The following GALNT2 variants were observed in gnomAD, a reference collection of about 807,000 sequenced individuals.
The protein encoded by GALNT2 is UDP-GalNAc:polypeptide N-acetylgalactosaminyltransferase 2.
GALNT2 carries 31 observed loss-of-function variants against 81.4 expected under a neutral mutation model. The observed-to-expected ratio is 0.38, with a 90% CI of 0.29 to 0.51. The LOEUF (loss-of-function observed/expected upper bound fraction) is 0.51, where lower values mean the gene tolerates loss of function less well. Ranked by LOEUF, GALNT2 falls within the 20% of genes least tolerant of loss-of-function variation. The pLI is 0.87. For synonymous variants in GALNT2, 303 were observed against 287.4 expected (o/e 1.05, Z -0.55); for missense variants, 629 against 765.7 (o/e 0.82, Z 2.11).
At position 230,251,706 on chromosome 1, in the gene GALNT2, T is replaced by A. The variant is rs561495233; in HGVS notation, c.1009+1146T>A. Reference sequence around the variant, plus strand: ...TGTTCCATGGGTATCCCCTAATGGTTTAGTGGAAATCCAGCAGGCCAGGGT... The same window carrying A: ...TGTTCCATGGGTATCCCCTAATGGTATAGTGGAAATCCAGCAGGCCAGGGT... On this transcript the variant is annotated intron_variant, in intron 10 of 15. Transcript: ENST00000366672. 7.9e-5 allele frequency among the ~76,000 whole-genome samples: 12 copies of A among 152,328 alleles called. No homozygotes were observed. In the South Asian group the frequency reaches 2.5e-3, roughly 32 times the overall value.
In GALNT2 at chr1:230,279,479, C is replaced by G; in HGVS notation, c.*21C>G. The G allele has an allele frequency of 6.2e-7, 1 of 1,610,354 alleles. No individual in the cohort carries two copies. Among genetic ancestry groups the G allele is most frequent in the East Asian group, 2.2e-5 (1 of 44,776 alleles). On this transcript the variant is annotated 3_prime_UTR_variant, in exon 16 of 16. Transcript: ENST00000366672. The surrounding 1 kb of genome is among the most constrained non-coding windows in gnomAD (Gnocchi z 4.6). ...AGTAGGAGGGTCCGGGAGGCCCTGC[C>G]GTCCTGTCTCCTGCACCATTGGGTG...
intron 1 of GALNT2, among the ~76,000 whole-genome samples, chr1:230,080,148 C>T (rs980457053): frequency 4.6e-5 from 7 of 152,148 alleles, no homozygotes; most frequent in South Asian, 4.1e-4. Flanking sequence ...GAGTCATTTT[C>T]CTTGTACTGG....
intron 10 of GALNT2, among the ~76,000 whole-genome samples, chr1:230,251,760 T>C (rs1410117378): frequency 6.6e-6 from 1 of 152,070 alleles, no homozygotes; most frequent in Non-Finnish European, 1.5e-5. Flanking sequence ...ATCGTGTAGG[T>C]GGCCATTTCT....
At chr1:230,269,995 T>A (rs1474996525) in intron 14 of GALNT2, among the ~76,000 whole-genome samples, 2 of 151,794 alleles carry the variant, frequency 1.3e-5, no homozygotes, top group African/African-American at 2.4e-5. Context: ...AGGTCTGGAG[T>A]TCGAGACCAG....
intron 6 of GALNT2, among the ~76,000 whole-genome samples, chr1:230,241,147 C>A (rs891830215): frequency 2.6e-5 from 4 of 152,190 alleles, no homozygotes; most frequent in African/African-American, 9.7e-5. Context: ...TTTATAATAG[C>A]TGCTTTTAAA....
chr1:230,262,911 C>T lies in GALNT2; in HGVS notation c.1230-11C>T, dbSNP rs371877047. ...AAATTTATAAAGGAATCTTATTTCC[C>T]TCTTCTCCAGTATTCAGAGCAGATT... is the stretch of plus-strand genomic sequence containing the variant. On this transcript the variant is annotated splice_polypyrimidine_tract_variant and intron_variant, in intron 12 of 15. Coordinates refer to ENST00000366672, the MANE Select transcript of GALNT2 (RefSeq NM_004481.5). 2.8e-5 allele frequency: 45 copies of T among 1,610,406 alleles called. No individual in the cohort carries two copies. The highest frequency in any genetic ancestry group is 3.7e-5 in the Non-Finnish European group (43 of 1,177,192).
At chr1:230,174,109 C>T (rs9308496) in intron 1 of GALNT2, among the ~76,000 whole-genome samples, 6,255 of 152,244 alleles carry the variant, frequency 0.041, 332 homozygotes, top group African/African-American at 0.12. Flanking sequence ...TACACAAGAA[C>T]ACTGGGCAGG....
intron 1 of GALNT2, among the ~76,000 whole-genome samples, chr1:230,097,890 G>A (rs781255208): frequency 2.6e-5 from 4 of 152,158 alleles, no homozygotes; most frequent in Non-Finnish European, 5.9e-5. Context: ...AGGTTTGGTC[G>A]CTATACAACA....
intron 15 of GALNT2, among the ~76,000 whole-genome samples, chr1:230,276,804 C>T (rs947372382): frequency 6.6e-5 from 10 of 152,152 alleles, no homozygotes; most frequent in Non-Finnish European, 1.0e-4. Flanking sequence ...AGGCTAGCAC[C>T]GCTTGGACCC....
chr1:230,123,347 C>T (rs970061791), intron 1 of GALNT2, among the ~76,000 whole-genome samples: 5 of 152,138 alleles, frequency 3.3e-5, no homozygotes, highest in Admixed American at 1.3e-4. Context: ...GGGGCCAACC[C>T]GTTAGGGGAG....
At chr1:230,134,045 A>G (rs1382893799) in intron 1 of GALNT2, among the ~76,000 whole-genome samples, 2 of 151,452 alleles carry the variant, frequency 1.3e-5, no homozygotes, top group African/African-American at 2.4e-5. Context: ...ATACTTAATT[A>G]CATATTACTC....
intron 2 of GALNT2, among the ~76,000 whole-genome samples, chr1:230,200,207 C>T (rs145199429): frequency 0.078 from 11,907 of 151,868 alleles, 969 homozygotes; most frequent in African/African-American, 0.19. Context: ...GGATTACAGG[C>T]GCCTGCCACC....
rs898310336 is a variant in GALNT2, at chr1:230,193,420, T to C, written c.221-9717T>C. ...GCTGAAGGACAGTCGCAACTGAGAGTCCTCTAAAGACCGCATTTGTGCATG... is the reference window on the plus strand; with the variant it reads ...GCTGAAGGACAGTCGCAACTGAGAGCCCTCTAAAGACCGCATTTGTGCATG... On this transcript the variant is annotated intron_variant, in intron 2 of 15. Coordinates refer to ENST00000366672, the MANE Select transcript of GALNT2 (RefSeq NM_004481.5). This position sits in a 1 kb window ranked among gnomAD's most constrained non-coding sequence, Gnocchi z 4.3. Among the ~76,000 whole-genome samples, 1 of 151,962 alleles carries C rather than the reference T, an allele frequency of 6.6e-6. No individual in the cohort carries two copies. Among genetic ancestry groups the C allele is most frequent in the African/African-American group, 2.4e-5 (1 of 41,348 alleles).
At chr1:230,178,862 G>A (rs920271196) in intron 2 of GALNT2, among the ~76,000 whole-genome samples, 2 of 152,040 alleles carry the variant, frequency 1.3e-5, no homozygotes, top group Non-Finnish European at 2.9e-5. Flanking sequence ...GCGTTTAGCC[G>A]CCATTGTAGT....
chr1:230,192,975 C>T (rs1663576110), intron 2 of GALNT2, among the ~76,000 whole-genome samples: 1 of 152,288 alleles, frequency 6.6e-6, no homozygotes, highest in African/African-American at 2.4e-5. Flanking sequence ...CTCGTCTTTT[C>T]TTTCATGGTG....
chr1:230,266,201 C>A (rs80294465), intron 14 of GALNT2, among the ~76,000 whole-genome samples: 1 of 33,940 alleles, frequency 2.9e-5, no homozygotes, highest in Non-Finnish European at 4.3e-5. Flanking sequence ...TCTCAAAAAA[C>A]AAACAAACAA....
At chr1:230,071,205 T>C (rs889589187) in intron 1 of GALNT2, among the ~76,000 whole-genome samples, 2 of 152,166 alleles carry the variant, frequency 1.3e-5, no homozygotes, top group Non-Finnish European at 2.9e-5. Flanking sequence ...GTCGTCTTTC[T>C]TTTTTTTATC....
intron 3 of GALNT2, among the ~76,000 whole-genome samples, chr1:230,228,628 A>G (rs1355219215): frequency 6.6e-6 from 1 of 151,958 alleles, no homozygotes; most frequent in African/African-American, 2.4e-5. Context: ...GTCTACATCC[A>G]TTTCTGTTCT....
At chr1:230,123,802 C>G (rs1661094279) in intron 1 of GALNT2, among the ~76,000 whole-genome samples, 1 of 152,158 alleles carries the variant, frequency 6.6e-6, no homozygotes, top group Non-Finnish European at 1.5e-5. Flanking sequence ...CTACTTTAAC[C>G]TCATGATCAT....
Sources: gnomAD v4.1 joint callset for allele counts (sites outside exome capture counted in the v4.1 genomes callset) on GRCh38, gnomAD v4.1.1 for gene constraint, Gnocchi (gnomAD v3.1) non-coding constraint, MANE v1.5 for transcripts, NCBI Gene and HGNC (gene_info 2026-07-23, HGNC 2026-07-21) for gene names.